The following KCNU1 variants were observed in gnomAD, a reference collection of about 807,000 sequenced individuals.
KCNU1 encodes potassium calcium-activated channel subfamily U member 1.
Under a neutral mutation model 126.8 loss-of-function variants are expected in KCNU1, and 93 were observed. The observed-to-expected ratio is 0.73, with a 90% CI of 0.62 to 0.87. The LOEUF is 0.87. Ranked by LOEUF, KCNU1 falls within the 40% of genes least tolerant of loss-of-function variation. The pLI is 0.00. For synonymous variants in KCNU1, 523 were observed against 494.2 expected, an observed-to-expected ratio of 1.06 and a Z score of -0.77; for missense variants, 1,330 against 1,367.1, an observed-to-expected ratio of 0.97 and a Z score of 0.43.
At chr8:36,890,140 A>C in intron 19 of KCNU1, among the ~76,000 whole-genome samples, 1 of 152,136 alleles carries the variant, frequency 6.6e-6, no homozygotes, top group Admixed American at 6.6e-5. Flanking sequence ...GGCTTACCCT[A>C]GAAGAAATGT....
At chr8:36,885,564 A>C (rs1398245131) in intron 19 of KCNU1, among the ~76,000 whole-genome samples, 3 of 152,060 alleles carry the variant, frequency 2.0e-5, no homozygotes, top group African/African-American at 7.2e-5. Context: ...AAATTAAAAA[A>C]ATAAAAAAAA....
At chr8:36,794,755 G>A (rs1585380417) in intron 2 of KCNU1, among the ~76,000 whole-genome samples, 1 of 151,680 alleles carries the variant, frequency 6.6e-6, no homozygotes, top group Admixed American at 6.6e-5. Context: ...GACCTCATTT[G>A]TACAAAAAAT....
Position 36,878,621 on chromosome 8 carries a change from G to A in KCNU1, c.2009+14100G>A, listed in dbSNP as rs546776169. ...CAAACTTGACCATTGGGTAGGGGAT[G>A]AAATAGTTCTCAAAGAAGTAAAGGA... On this transcript the variant is annotated intron_variant, in intron 19 of 26. Coordinates refer to ENST00000399881, the MANE Select transcript of KCNU1 (RefSeq NM_001031836.3). Among the ~76,000 whole-genome samples the A allele has an allele frequency of 2.6e-5, 4 of 152,216 alleles. No individual in the cohort carries two copies. In the East Asian group the frequency reaches 7.7e-4, roughly 29 times the overall value.
At chr8:36,924,385 A>C (rs1037449643) in intron 24 of KCNU1, among the ~76,000 whole-genome samples, 4 of 152,194 alleles carry the variant, frequency 2.6e-5, no homozygotes, top group Non-Finnish European at 4.4e-5. Flanking sequence ...TTGCAAGTTT[A>C]AGGGAGCACG....
intron 19 of KCNU1, among the ~76,000 whole-genome samples, chr8:36,876,490 C>A (rs1313525984): frequency 6.6e-6 from 1 of 152,186 alleles, no homozygotes; most frequent in Non-Finnish European, 1.5e-5. Flanking sequence ...AACCCTGATT[C>A]TATCCCTCCT....
intron 19 of KCNU1, among the ~76,000 whole-genome samples, chr8:36,885,614 G>A (rs567370382): frequency 2.9e-4 from 44 of 152,028 alleles, no homozygotes; most frequent in Admixed American, 3.3e-4. Context: ...CCAACATGGC[G>A]AAACCACATC....
intron 6 of KCNU1, among the ~76,000 whole-genome samples, chr8:36,807,729 C>CA (rs754633781): frequency 0.036 from 3,931 of 110,602 alleles, 242 homozygotes; most frequent in East Asian, 0.3. Context: ...GTCCCTCCAC[C>CA]AAAAAAAAAA....
intron 19 of KCNU1, among the ~76,000 whole-genome samples, chr8:36,889,928 G>A (rs1376612866): frequency 6.6e-6 from 1 of 152,060 alleles, no homozygotes; most frequent in Non-Finnish European, 1.5e-5. Flanking sequence ...TTGTCTTTTT[G>A]TCAGAAACCA....
chr8:36,907,066 A>G (rs1048727294), intron 20 of KCNU1, among the ~76,000 whole-genome samples: 4 of 152,166 alleles, frequency 2.6e-5, no homozygotes, highest in African/African-American at 9.6e-5. Flanking sequence ...GATACTTGAT[A>G]TGGAATATAG....
chr8:36,894,060 G>T (rs1013267762), intron 19 of KCNU1, among the ~76,000 whole-genome samples: 4 of 151,978 alleles, frequency 2.6e-5, no homozygotes, highest in Admixed American at 2.6e-4. Context: ...ATTAACAAAT[G>T]CCACTGAGTA....
At chr8:36,884,243 A>T (rs1806602882) in intron 19 of KCNU1, among the ~76,000 whole-genome samples, 1 of 152,164 alleles carries the variant, frequency 6.6e-6, no homozygotes, top group South Asian at 2.1e-4. Context: ...TCAGCTCCTG[A>T]TTTTTAATGA....
At chr8:36,862,994 A>T (rs1805784056) in intron 18 of KCNU1, among the ~76,000 whole-genome samples, 1 of 152,140 alleles carries the variant, frequency 6.6e-6, no homozygotes. Flanking sequence ...CCTTGAAATA[A>T]GGAAGCATCA....
chr8:36,803,704 G>A (rs934158644), intron 2 of KCNU1, among the ~76,000 whole-genome samples: 5 of 152,172 alleles, frequency 3.3e-5, no homozygotes, highest in East Asian at 3.8e-4. Flanking sequence ...AGTGATCACA[G>A]GAAAGGACAT....
At chr8:36,819,413 A>G (rs1563275110) in intron 10 of KCNU1, among the ~76,000 whole-genome samples, 2 of 152,128 alleles carry the variant, frequency 1.3e-5, no homozygotes, top group Non-Finnish European at 1.5e-5. Context: ...TTAAAACAGA[A>G]AACTGAGTAT....
chr8:36,867,645 G>T (rs547083970), intron 19 of KCNU1, among the ~76,000 whole-genome samples: 49 of 152,200 alleles, frequency 3.2e-4, no homozygotes, highest in African/African-American at 1.1e-3. Flanking sequence ...AAGGGTTGGC[G>T]AGCCATAGAT....
chr8:36,927,833 T>C (rs1180859006), intron 24 of KCNU1, among the ~76,000 whole-genome samples: 1 of 152,042 alleles, frequency 6.6e-6, no homozygotes, highest in Non-Finnish European at 1.5e-5. Context: ...TTGACCAAAT[T>C]TGAAAGTCCA....
rs1386661052 is a variant in KCNU1, at chr8:36,840,586, T to C, written c.1631+11T>C. 1 of 1,416,498 alleles carries C rather than the reference T, an allele frequency of 7.1e-7. No individual in the cohort carries two copies. Among genetic ancestry groups the C allele is most frequent in the Non-Finnish European group, 1.0e-6 (1 of 1,001,372 alleles). 87.7% of individuals were successfully genotyped at this position (1,416,498 alleles called of 1,614,324 possible). ...TCCTGAAGTTGCCCGGTAAGTGAAGTGAAATACTTCCCTCATTCTTCAGAC... is the reference window on the plus strand; with the variant it reads ...TCCTGAAGTTGCCCGGTAAGTGAAGCGAAATACTTCCCTCATTCTTCAGAC... On this transcript the variant is annotated intron_variant, in intron 15 of 26. Transcript: ENST00000399881.
chr8:36,876,744 A>T (rs1806291468), intron 19 of KCNU1, among the ~76,000 whole-genome samples: 1 of 152,158 alleles, frequency 6.6e-6, no homozygotes, highest in Admixed American at 6.5e-5. Flanking sequence ...ATAAGAGTAG[A>T]GAAGAGATGA....
intron 18 of KCNU1, among the ~76,000 whole-genome samples, chr8:36,848,112 A>C (rs1805215783): frequency 1.3e-5 from 2 of 152,204 alleles, no homozygotes; most frequent in Non-Finnish European, 2.9e-5. Flanking sequence ...TGTCTTTTGC[A>C]AAATGTTTAT....
Sources: gnomAD v4.1 joint callset for allele counts (sites outside exome capture counted in the v4.1 genomes callset) on GRCh38, gnomAD v4.1.1 for gene constraint, MANE v1.5 for transcripts, NCBI Gene and HGNC (gene_info 2026-07-23, HGNC 2026-07-21) for gene names.